SMARCA2: variants seen among roughly 807,000 people sequenced by gnomAD.
SMARCA2 encodes SWI/SNF-related matrix-associated actin-dependent regulator of chromatin subfamily A member 2.
In SMARCA2, 61 loss-of-function variants were observed where a neutral mutation model predicts 199.8. That is an observed-to-expected ratio of 0.31 (90% confidence interval 0.25 to 0.38). The LOEUF (loss-of-function observed/expected upper bound fraction) is 0.38, where lower values mean the gene tolerates loss of function less well. Ranked by LOEUF, SMARCA2 falls within the 10% of genes least tolerant of loss-of-function variation. SMARCA2 has a pLI of 1.00. For missense variants in SMARCA2, 1,344 were observed against 2,012.2 expected (o/e 0.67, Z 6.35); for synonymous variants, 935 against 732.0 (o/e 1.28, Z -4.48).
chr9:2,032,292 A>G (rs1819104685), intron 2 of SMARCA2, among the ~76,000 whole-genome samples: 1 of 152,162 alleles, frequency 6.6e-6, no homozygotes, highest in African/African-American at 2.4e-5. Context: ...TGTTTATTGC[A>G]TGTCTGTCAC....
At chr9:2,180,768 G>T (rs1345494619) in intron 29 of SMARCA2, among the ~76,000 whole-genome samples, 1 of 152,144 alleles carries the variant, frequency 6.6e-6, no homozygotes, top group Non-Finnish European at 1.5e-5. Flanking sequence ...ATGCTTTGTA[G>T]CCTGTGTTTG....
rs1825528696 is a variant in SMARCA2, at chr9:2,159,076, G to C, written c.3982-2610G>C. 4 of 1,456,352 alleles carry C rather than the reference G, an allele frequency of 2.7e-6. No individual in the cohort carries two copies. The South Asian group carries it at 3.8e-5, about 14-fold the overall frequency. The allele number at this position is 1,456,352 out of a possible 1,614,324, so 90.2% of individuals were successfully genotyped here. On this transcript the variant is annotated intron_variant, in intron 27 of 33. Transcript: ENST00000349721. ...TAATAAAAATTGTTTCAGTTGTTCT[G>C]TTTGCAATTTAATTTGTTTTCGCTT...
At position 2,033,227 on chromosome 9, in the gene SMARCA2, C is replaced by T. The variant is rs144428938; in HGVS notation, c.355+146C>T. ...TCTTTTCCTTATGGAAATCTACCTC[C>T]GTCCTCACCAATACAACCTGATGAT... On this transcript the variant is annotated intron_variant, in intron 3 of 33. Coordinates refer to ENST00000349721, the MANE Select transcript of SMARCA2 (RefSeq NM_003070.5). 1.2e-4 allele frequency: 95 copies of T among 792,972 alleles called. 1 individual carries two copies. The African/African-American group carries it at 1.3e-3, about 11-fold the overall frequency. 49.1% of individuals were successfully genotyped at this position (792,972 alleles called of 1,614,324 possible). A position where few individuals can be genotyped will look rare whatever the true frequency, so the allele number is the denominator to read the frequency against.
Position 2,115,765 on chromosome 9 carries a change from T to G in SMARCA2, c.3457-57T>G. 1.4e-6 allele frequency: 2 copies of G among 1,434,234 alleles called. No individual in the cohort carries two copies. Among genetic ancestry groups the G allele is most frequent in the Non-Finnish European group, 1.9e-6 (2 of 1,027,668 alleles). The allele number at this position is 1,434,234 out of a possible 1,614,324, so 88.8% of individuals were successfully genotyped here. A position where few individuals can be genotyped will look rare whatever the true frequency, so the allele number is the denominator to read the frequency against. ...TATTTCCCTCTGGGGTGGGGTCCGG[T>G]TTTGGATGCCTATGCCAGGCATCTC... On this transcript the variant is annotated intron_variant, in intron 24 of 33. Transcript: ENST00000349721. The surrounding 1 kb of genome is among the most constrained non-coding windows in gnomAD (Gnocchi z 6.0).
At chr9:2,155,609 T>G (rs1250365444) in intron 27 of SMARCA2, among the ~76,000 whole-genome samples, 1 of 152,168 alleles carries the variant, frequency 6.6e-6, no homozygotes, top group Non-Finnish European at 1.5e-5. Flanking sequence ...AAATTGCTTT[T>G]AACTAAAATA....
intron 29 of SMARCA2, 40 bp from the exon 30 acceptor site, chr9:2,181,531 T>A (rs781780946): frequency 1.1e-6 from 1 of 952,258 alleles, no homozygotes; most frequent in South Asian, 1.3e-5. Flanking sequence ...TCAGTAATGT[T>A]TGATGTGGCT....
chr9:2,168,688 A>G (rs1348126821), intron 28 of SMARCA2, among the ~76,000 whole-genome samples: 1 of 152,252 alleles, frequency 6.6e-6, no homozygotes, highest in Non-Finnish European at 1.5e-5. Context: ...CGTAACAAAC[A>G]TTTTAAACCA....
chr9:2,094,744 A>C lies in SMARCA2; in HGVS notation c.2884-1913A>C, dbSNP rs151003918. Among the ~76,000 whole-genome samples, 172 of 152,362 alleles carry C rather than the reference A, an allele frequency of 1.1e-3. 1 individual carries two copies. Among genetic ancestry groups the C allele is most frequent in the African/African-American group, 3.9e-3 (161 of 41,584 alleles). On this transcript the variant is annotated intron_variant, in intron 19 of 33. Transcript: ENST00000349721. ...GAAGGCTAAATGTGGCTATCCCAGT[A>C]CAGCTCTTTTGTGTGTTAAATGAGA...
At chr9:2,078,428 T>C (rs936190041) in intron 14 of SMARCA2, among the ~76,000 whole-genome samples, 1 of 151,784 alleles carries the variant, frequency 6.6e-6, no homozygotes, top group African/African-American at 2.4e-5. Context: ...GCCAAGATCT[T>C]AGCACTGCAC....
intron 16 of SMARCA2, 69 bp from the exon 17 acceptor site, chr9:2,084,017 A>T (rs1821685902): frequency 3.7e-6 from 3 of 813,524 alleles, no homozygotes; most frequent in South Asian, 3.0e-5. Context: ...TCATTAAGCT[A>T]TGAAAAGTGA....
Position 2,086,720 on chromosome 9 carries a change from T to C in SMARCA2, c.2527-109T>C. On this transcript the variant is annotated intron_variant, in intron 17 of 33. Transcript: ENST00000349721. This position sits in a 1 kb window ranked among gnomAD's most constrained non-coding sequence, Gnocchi z 4.3. ...TTGTCTCAAAGGTAATCACAGCATATCATATACCAAGGATGGGTTCTTTGG... is the reference window on the plus strand; with the variant it reads ...TTGTCTCAAAGGTAATCACAGCATACCATATACCAAGGATGGGTTCTTTGG... The C allele has an allele frequency of 2.5e-6, 3 of 1,195,228 alleles. No homozygotes were observed. The highest frequency in any genetic ancestry group is 3.6e-6 in the Non-Finnish European group (3 of 829,670). The allele number at this position is 1,195,228 out of a possible 1,614,324, so 74.0% of individuals were successfully genotyped here. A position where few individuals can be genotyped will look rare whatever the true frequency, so the allele number is the denominator to read the frequency against.
rs1826104207 is a variant in SMARCA2, at chr9:2,169,203, A to G, written c.4200-1216A>G. Among the ~76,000 whole-genome samples, 1 of 152,112 alleles carries G rather than the reference A, an allele frequency of 6.6e-6. No homozygotes were observed. The highest frequency in any genetic ancestry group is 1.5e-5 in the Non-Finnish European group (1 of 68,008). ...CCCCCTGTCTTCCTGAGGCCCTTGC[A>G]CTGCTGGCCTGGCCTGGCAAGCTGC... On this transcript the variant is annotated intron_variant, in intron 28 of 33. Transcript: ENST00000349721. This position sits in a 1 kb window ranked among gnomAD's most constrained non-coding sequence, Gnocchi z 6.5.
chr9:2,188,124 TTTTTGTACTTATTATG>T (rs1355410064), intron 32 of SMARCA2, among the ~76,000 whole-genome samples: 2 of 152,230 alleles, frequency 1.3e-5, no homozygotes, highest in African/African-American at 4.8e-5. Flanking sequence ...AATGTAATGA[TTTTTGTACTTATTATG>T]AACACTTTCC....
At position 2,084,027 on chromosome 9, in the gene SMARCA2, A is replaced by G. The variant is rs1343731087; in HGVS notation, c.2416-59A>G. 6 of 899,404 alleles carry G rather than the reference A, an allele frequency of 6.7e-6. No homozygotes were observed. The African/African-American group carries it at 9.9e-5, about 15-fold the overall frequency. The allele number at this position is 899,404 out of a possible 1,614,324, so 55.7% of individuals were successfully genotyped here. A position where few individuals can be genotyped will look rare whatever the true frequency, so the allele number is the denominator to read the frequency against. ...GGGCATCATTAAGCTATGAAAAGTG[A>G]GAAATAATGCACATATATGTCCATA... On this transcript the variant is annotated intron_variant, in intron 16 of 33. Coordinates refer to ENST00000349721, the MANE Select transcript of SMARCA2 (RefSeq NM_003070.5).
intron 30 of SMARCA2, 112 bp downstream of exon 30, chr9:2,181,788 C>T (rs865804250): frequency 3.6e-5 from 24 of 664,140 alleles, no homozygotes; most frequent in South Asian, 1.4e-4. Context: ...CCAGGGCTCG[C>T]GACAGGAAAG....
At position 2,123,957 on chromosome 9, in the gene SMARCA2, C is replaced by T. The variant is rs747426741; in HGVS notation, c.3981+20C>T. ...CTAAGGGTAAGCCTAGCTTTTCTAA[C>T]CCGCTCTCACTAGGTGGAGGGTTTT... On this transcript the variant is annotated intron_variant, in intron 27 of 33. Coordinates refer to ENST00000349721, the MANE Select transcript of SMARCA2 (RefSeq NM_003070.5). This position sits in a 1 kb window ranked among gnomAD's most constrained non-coding sequence, Gnocchi z 4.1. The T allele has an allele frequency of 3.2e-6, 5 of 1,540,756 alleles. No homozygotes were observed. The highest frequency in any genetic ancestry group is 2.1e-4 in the Middle Eastern group (1 of 4,734).
intron 28 of SMARCA2, among the ~76,000 whole-genome samples, chr9:2,168,501 C>T (rs901505484): frequency 6.6e-6 from 1 of 152,274 alleles, no homozygotes. Flanking sequence ...GGGCAGGGCT[C>T]TTATTTCAAA....
chr9:2,116,201 C>G, intron 25 of SMARCA2, 152 bp downstream of exon 25: 1 of 649,576 alleles, frequency 1.5e-6, no homozygotes. Flanking sequence ...CCACAGAAAG[C>G]CTGTGAAAGT....
At chr9:2,179,054 A>T (rs1325179547) in intron 29 of SMARCA2, among the ~76,000 whole-genome samples, 1 of 152,196 alleles carries the variant, frequency 6.6e-6, no homozygotes, top group East Asian at 1.9e-4. Flanking sequence ...TTGGTCCTGG[A>T]GGGATAAGGA....
Sources: gnomAD v4.1 joint callset for allele counts (sites outside exome capture counted in the v4.1 genomes callset) on GRCh38, gnomAD v4.1.1 for gene constraint, Gnocchi (gnomAD v3.1) non-coding constraint, MANE v1.5 for transcripts, NCBI Gene and HGNC (gene_info 2026-07-23, HGNC 2026-07-21) for gene names.